The following MAGI2 variants were observed in gnomAD, a reference collection of about 807,000 sequenced individuals.
The protein encoded by MAGI2 is membrane-associated guanylate kinase, WW and PDZ domain-containing protein 2.
A neutral mutation model predicts 133.3 loss-of-function variants in MAGI2; 35 were observed. The observed-to-expected ratio is 0.26, with a 90% CI of 0.20 to 0.35. The LOEUF is 0.35. MAGI2 is among the 10% of genes least tolerant of loss of function. The pLI is 1.00. For synonymous variants in MAGI2, 729 were observed against 710.6 expected (o/e 1.03, Z -0.41); for missense variants, 1,636 against 1,863.4 (o/e 0.88, Z 2.25).
chr7:79,196,221 AAAAT>A (rs59802052), intron 1 of MAGI2, among the ~76,000 whole-genome samples: 39 of 151,838 alleles, frequency 2.6e-4, no homozygotes, highest in Middle Eastern at 3.4e-3. Flanking sequence ...TGTCAATTTA[AAAAT>A]AAATAAAATT....
chr7:78,098,558 A>G (rs1583889847), intron 20 of MAGI2, among the ~76,000 whole-genome samples: 1 of 152,322 alleles, frequency 6.6e-6, no homozygotes, highest in East Asian at 1.9e-4. Context: ...ATGCTGTAAT[A>G]AACATTGCTG....
intron 10 of MAGI2, among the ~76,000 whole-genome samples, chr7:78,221,145 G>C (rs1788788073): frequency 1.3e-5 from 2 of 152,078 alleles, no homozygotes; most frequent in African/African-American, 4.8e-5. Context: ...CCCCTCTAAA[G>C]TCTCCTCTTT....
intron 3 of MAGI2, among the ~76,000 whole-genome samples, chr7:78,625,097 C>A (rs1193838426): frequency 6.6e-6 from 1 of 151,796 alleles, no homozygotes; most frequent in Non-Finnish European, 1.5e-5. Flanking sequence ...CTGTGTAGGC[C>A]TAGGCTAATG....
At chr7:78,573,283 T>TAG (rs1491484426) in intron 3 of MAGI2, among the ~76,000 whole-genome samples, 1 of 46,246 alleles carries the variant, frequency 2.2e-5, no homozygotes, top group Non-Finnish European at 3.3e-5. Context: ...AATATATATA[T>TAG]TTATATAAAT....
chr7:78,535,702 AG>A (rs1797829991), intron 3 of MAGI2, among the ~76,000 whole-genome samples: 1 of 152,176 alleles, frequency 6.6e-6, no homozygotes, highest in Non-Finnish European at 1.5e-5. Context: ...CCTGGGGAGT[AG>A]ACTGTCTTTG....
At chr7:78,871,168 G>A (rs762016402) in intron 2 of MAGI2, among the ~76,000 whole-genome samples, 9 of 152,136 alleles carry the variant, frequency 5.9e-5, no homozygotes, top group Middle Eastern at 3.4e-3. Context: ...AAAACTAGCC[G>A]GGCGTGGTGG....
chr7:78,411,307 G>T (rs1797852856), intron 6 of MAGI2, among the ~76,000 whole-genome samples: 1 of 151,970 alleles, frequency 6.6e-6, no homozygotes, highest in Non-Finnish European at 1.5e-5. Context: ...ATTGAATTCA[G>T]TTTCAGAAGA....
chr7:78,124,926 G>C (rs867002858), intron 20 of MAGI2, among the ~76,000 whole-genome samples: 2 of 148,706 alleles, frequency 1.3e-5, no homozygotes, highest in Non-Finnish European at 1.5e-5. Flanking sequence ...GCAGTGGCAC[G>C]ATCTTGGCTC....
intron 1 of MAGI2, among the ~76,000 whole-genome samples, chr7:79,368,683 C>A (rs1842874035): frequency 6.6e-6 from 1 of 151,186 alleles, no homozygotes; most frequent in Non-Finnish European, 1.5e-5. Context: ...CCCGTCTCTA[C>A]TAAAAATACA....
chr7:78,462,410 C>G (rs1790159090), intron 6 of MAGI2, among the ~76,000 whole-genome samples: 1 of 152,186 alleles, frequency 6.6e-6, no homozygotes, highest in Non-Finnish European at 1.5e-5. Context: ...ACTTCACATT[C>G]TCTTGATCTA....
intron 1 of MAGI2, among the ~76,000 whole-genome samples, chr7:79,258,150 A>G (rs1054154412): frequency 6.6e-6 from 1 of 152,222 alleles, no homozygotes; most frequent in Non-Finnish European, 1.5e-5. Flanking sequence ...GGTCAAAAGA[A>G]GAGACACAAA....
chr7:78,292,702 A>C (rs2151045837), intron 9 of MAGI2, among the ~76,000 whole-genome samples: 1 of 152,372 alleles, frequency 6.6e-6, no homozygotes, highest in Admixed American at 6.5e-5. Flanking sequence ...GGCTACAGTA[A>C]CAAAAACAGC....
chr7:79,391,349 TA>T (rs1424158340), intron 1 of MAGI2, among the ~76,000 whole-genome samples: 1 of 151,092 alleles, frequency 6.6e-6, no homozygotes, highest in African/African-American at 2.4e-5. Flanking sequence ...AACTAAAAGG[TA>T]AAAAAATATA....
At chr7:78,737,626 A>G (rs753542475) in intron 2 of MAGI2, among the ~76,000 whole-genome samples, 1 of 152,220 alleles carries the variant, frequency 6.6e-6, no homozygotes, top group Non-Finnish European at 1.5e-5. Context: ...GAGATATGAG[A>G]ATCCAGCTGT....
intron 3 of MAGI2, among the ~76,000 whole-genome samples, chr7:78,569,476 T>C (rs1008104118): frequency 2.0e-5 from 3 of 152,210 alleles, no homozygotes; most frequent in Non-Finnish European, 2.9e-5. Flanking sequence ...ATGCACGTTA[T>C]ATATCTAGGC....
At chr7:78,367,475 A>G (rs182410067) in intron 7 of MAGI2, among the ~76,000 whole-genome samples, 1 of 152,226 alleles carries the variant, frequency 6.6e-6, no homozygotes, top group Non-Finnish European at 1.5e-5. Context: ...TTTTGTAAAT[A>G]AAGTTTTATT....
At chr7:78,868,606 T>G (rs188424685) in intron 2 of MAGI2, among the ~76,000 whole-genome samples, 9 of 152,290 alleles carry the variant, frequency 5.9e-5, no homozygotes, top group Middle Eastern at 3.4e-3. Context: ...TAGCAAACAT[T>G]TCTTGGAGAA....
At chr7:78,600,802 A>C (rs956019917) in intron 3 of MAGI2, among the ~76,000 whole-genome samples, 4 of 152,134 alleles carry the variant, frequency 2.6e-5, no homozygotes, top group Non-Finnish European at 5.9e-5. Context: ...ATCAGGTTAG[A>C]AATCAAAGTG....
intron 2 of MAGI2, among the ~76,000 whole-genome samples, chr7:78,860,331 G>C (rs1397974277): frequency 6.6e-6 from 1 of 152,176 alleles, no homozygotes; most frequent in African/African-American, 2.4e-5. Flanking sequence ...CTGATTTTTA[G>C]AATTTTCAGC....
Sources: gnomAD v4.1 joint callset for allele counts (sites outside exome capture counted in the v4.1 genomes callset) on GRCh38, gnomAD v4.1.1 for gene constraint, MANE v1.5 for transcripts, NCBI Gene and HGNC (gene_info 2026-07-23, HGNC 2026-07-21) for gene names.